Variants in CYB561A3 observed in about 807,000 individuals in gnomAD.
CYB561A3 encodes the protein cytochrome b561 family member A3.
Under a neutral mutation model 25.3 loss-of-function variants are expected in CYB561A3, and 16 were observed. The observed-to-expected ratio is 0.63, with a 90% CI of 0.43 to 0.96. The LOEUF is 0.96. CYB561A3 is among the 40% of genes least tolerant of loss of function. The pLI is 0.00. For synonymous variants in CYB561A3, 131 were observed against 129.9 expected, an observed-to-expected ratio of 1.01 and a Z score of -0.06; for missense variants, 219 against 307.5, an observed-to-expected ratio of 0.71 and a Z score of 2.15.
chr11:61,349,188 A>G lies in CYB561A3; in HGVS notation c.*1211T>C, dbSNP rs560590989. The G allele has an allele frequency of 1.9e-4, 47 of 243,506 alleles. No individual in the cohort carries two copies. In the South Asian group the frequency reaches 2.7e-3, roughly 14 times the overall value. The allele number at this position is 243,506 out of a possible 1,614,324, so 15.1% of individuals were successfully genotyped here. On this transcript the variant is annotated 3_prime_UTR_variant, in exon 7 of 7. Coordinates refer to ENST00000294072, the MANE Select transcript of CYB561A3 (RefSeq NM_153611.6). The stretch of plus-strand genomic sequence containing the variant: ...CAAGACCCTTCCCGCTCTCCACCCT[A>G]TTTCCTCCCCTGAAGAAGAGCAACA...
At chr11:61,361,044 A>G (rs1857853015) in intron 1 of CYB561A3, 1 of 152,166 alleles carries the variant, frequency 6.6e-6, no homozygotes, top group South Asian at 2.1e-4. Flanking sequence ...TACTTTTATA[A>G]TTTAGAACTA....
intron 2 of CYB561A3, 37 bp from the exon 3 acceptor site, chr11:61,356,765 A>G: frequency 6.2e-7 from 1 of 1,603,294 alleles, no homozygotes; most frequent in Non-Finnish European, 8.5e-7. Context: ...CCACTGGCTC[A>G]GATGCACCCA....
At chr11:61,351,255 A>G (rs1476968235) in intron 5 of CYB561A3, 108 bp from the exon 6 acceptor site, 3 of 1,133,344 alleles carry the variant, frequency 2.6e-6, no homozygotes, top group Non-Finnish European at 3.6e-6. Context: ...TCCCGGGTCC[A>G]TATGTGATCT....
chr11:61,352,766 C>T (rs1199595937), intron 5 of CYB561A3: 4 of 1,391,822 alleles, frequency 2.9e-6, no homozygotes, highest in Non-Finnish European at 3.8e-6. Flanking sequence ...CTGTTTCTGA[C>T]ACACAGCAGG....
In CYB561A3 at chr11:61,352,984, C is replaced by T. The variant is rs371408373; in HGVS notation, c.548+1G>A. Reference sequence around the variant, plus strand: ...AGAGTTGGGGACCCCACTGCACTCACAAACTGAAGAAAAGCTTCTCATTAA... The same window carrying T: ...AGAGTTGGGGACCCCACTGCACTCATAAACTGAAGAAAAGCTTCTCATTAA... On this transcript the variant is annotated splice_donor_variant, in intron 5 of 6. Transcript: ENST00000294072. LOFTEE classifies it high-confidence loss of function. 1.2e-6 allele frequency: 2 copies of T among 1,614,040 alleles called. No individual in the cohort carries two copies. The highest frequency in any genetic ancestry group is 2.7e-5 in the African/African-American group (2 of 74,916).
intron 3 of CYB561A3, among the ~76,000 whole-genome samples, chr11:61,355,591 G>A (rs912760594): frequency 2.0e-5 from 3 of 151,648 alleles, no homozygotes; most frequent in African/African-American, 7.3e-5. Flanking sequence ...TGAGGCAGGA[G>A]AATGGCCTGA....
At chr11:61,359,587 G>A (rs1857769820) in intron 1 of CYB561A3, 1 of 152,184 alleles carries the variant, frequency 6.6e-6, no homozygotes, top group Non-Finnish European at 1.5e-5. Flanking sequence ...AAAGGTCCTG[G>A]TTTACTGCTC....
At position 61,351,092 on chromosome 11, in the gene CYB561A3, T is replaced by G; in HGVS notation, c.604A>C (p.Ser202Arg). Residue 202 changes from serine to arginine, a missense_variant, in exon 6 of 7, where the codon AGC (serine) becomes CGC (arginine). Physicochemically the swap from Ser to Arg is moderately radical, Grantham distance 110. Transcript: ENST00000294072. ...AAGGCCACCACCAGCATCCCGGTGC[T>G]GTTGGCAAAGACCGCCTCACTGGGC... ...SLPSEAVFAN[S>R]TGMLVVAFGL... 6.2e-7 allele frequency: 1 copy of G among 1,613,944 alleles called. No individual in the cohort carries two copies. The highest frequency in any genetic ancestry group is 8.5e-7 in the Non-Finnish European group (1 of 1,179,946).
At chr11:61,357,125 C>T (rs550723461) in intron 2 of CYB561A3, 46 of 1,516,116 alleles carry the variant, frequency 3.0e-5, no homozygotes, top group Middle Eastern at 1.7e-4. Context: ...GGCTAAATTA[C>T]GCAAACACCC....
chr11:61,352,723 T>C, intron 5 of CYB561A3: 1 of 1,041,206 alleles, frequency 9.6e-7, no homozygotes, highest in South Asian at 1.8e-5. Flanking sequence ...TGATGTAGGG[T>C]GGTTGACAGG....
intron 3 of CYB561A3, chr11:61,354,574 A>C (rs1241004976): frequency 6.5e-6 from 1 of 154,662 alleles, no homozygotes; most frequent in Non-Finnish European, 1.4e-5. Context: ...CTAAGAGTTC[A>C]AGGCTGCAGC....
At chr11:61,360,867 A>T (rs1322409262) in intron 1 of CYB561A3, 1 of 152,068 alleles carries the variant, frequency 6.6e-6, no homozygotes, top group African/African-American at 2.4e-5. Context: ...AATCCCAGCT[A>T]CTTGGGAGGC....
Position 61,354,008 on chromosome 11 carries a change from G to C in CYB561A3, c.185-16C>G. On this transcript the variant is annotated splice_polypyrimidine_tract_variant and intron_variant, in intron 3 of 6. Transcript: ENST00000294072. The stretch of plus-strand genomic sequence containing the variant: ...ACCAGTGACGCTGCAGGAGAGAGTA[G>C]TGCCAGGGCTCAGCCTCTCCCCTCG... 1 of 1,613,610 alleles carries C rather than the reference G, an allele frequency of 6.2e-7. No individual in the cohort carries two copies. The highest frequency in any genetic ancestry group is 2.2e-5 in the East Asian group (1 of 44,866).
intron 4 of CYB561A3, chr11:61,353,486 G>C (rs1350045998): frequency 6.0e-6 from 4 of 663,288 alleles, no homozygotes; most frequent in Non-Finnish European, 1.1e-5. Flanking sequence ...ACAGAGGTGG[G>C]AGTGGGGAAA....
chr11:61,350,156 G>A lies in CYB561A3; in HGVS notation c.*243C>T, dbSNP rs1403963153. 1 of 591,410 alleles carries A rather than the reference G, an allele frequency of 1.7e-6. No individual in the cohort carries two copies. Among genetic ancestry groups the A allele is most frequent in the African/African-American group, 1.9e-5 (1 of 53,546 alleles). The allele number at this position is 591,410 out of a possible 1,614,324, so 36.6% of individuals were successfully genotyped here. ...CCAGCACCCAGGCAAAGCCACCAAG[G>A]AAAGCAGACAGGCAGCAAGCGGCCG... On this transcript the variant is annotated 3_prime_UTR_variant, in exon 7 of 7. Transcript: ENST00000294072.
At chr11:61,350,477 A>G in intron 6 of CYB561A3, 55 bp from the exon 7 acceptor site, 1 of 1,600,158 alleles carries the variant, frequency 6.2e-7, no homozygotes, top group African/African-American at 1.3e-5. Flanking sequence ...GAGTCACACC[A>G]GGCCCAAGCT....
chr11:61,358,325 CA>C (rs1442908258), intron 1 of CYB561A3: 1 of 149,910 alleles, frequency 6.7e-6, no homozygotes, highest in Non-Finnish European at 1.5e-5. Context: ...GAGGCTGAGG[CA>C]GGAGAATTGC....
intron 3 of CYB561A3, 41 bp from the exon 4 acceptor site, chr11:61,354,033 G>A (rs368002020): frequency 4.0e-4 from 649 of 1,606,488 alleles, no homozygotes; most frequent in Middle Eastern, 2.7e-3. Flanking sequence ...CTCTCCCCTC[G>A]AGCTCACCCA....
chr11:61,349,223 C>T lies in CYB561A3; in HGVS notation c.*1176G>A. On this transcript the variant is annotated 3_prime_UTR_variant, in exon 7 of 7. Coordinates refer to ENST00000294072, the MANE Select transcript of CYB561A3 (RefSeq NM_153611.6). ...CTGAAGAAGAGCAACAGCTCAAGCT[C>T]TAGCATGGCACAGAACGCTAGGTTG... is the stretch of plus-strand genomic sequence containing the variant. 3.2e-6 allele frequency: 1 copy of T among 311,248 alleles called. No individual in the cohort carries two copies. Among genetic ancestry groups the T allele is most frequent in the Non-Finnish European group, 6.4e-6 (1 of 157,340 alleles). 19.3% of individuals were successfully genotyped at this position (311,248 alleles called of 1,614,324 possible). A position where few individuals can be genotyped will look rare whatever the true frequency, so the allele number is the denominator to read the frequency against.
Sources: gnomAD v4.1 joint callset for allele counts (sites outside exome capture counted in the v4.1 genomes callset) on GRCh38, gnomAD v4.1.1 for gene constraint, MANE v1.5 for transcripts, NCBI Gene and HGNC (gene_info 2026-07-23, HGNC 2026-07-21) for gene names.